The following PMM2 variants were observed in gnomAD, a reference collection of about 807,000 sequenced individuals.
The protein encoded by PMM2 is phosphomannomutase 2.
A neutral mutation model predicts 33.2 loss-of-function variants in PMM2; 35 were observed. The ratio of observed to expected loss-of-function variants is 1.06; its 90% CI spans 0.81 to 1.40. PMM2 has a LOEUF of 1.40. Ranked by LOEUF, PMM2 falls within the 40% of genes most tolerant of loss-of-function variation. PMM2 has a pLI of 0.00. For synonymous variants in PMM2, 153 were observed against 114.7 expected (o/e 1.33, Z -2.13); for missense variants, 386 against 306.0 (o/e 1.26, Z -1.95).
intron 7 of PMM2, among the ~76,000 whole-genome samples, chr16:8,842,614 T>C (rs141508713): frequency 0.026 from 3,919 of 152,204 alleles, 172 homozygotes; most frequent in African/African-American, 0.089. Context: ...AGGAAGGTAT[T>C]GAGGATGAAA....
Position 8,827,875 on chromosome 16 carries a change from G to A in PMM2, c.639+14769G>A, listed in dbSNP as rs1418201505. 2.6e-3 allele frequency among the ~76,000 whole-genome samples: 183 copies of A among 71,742 alleles called. 4 individuals carry two copies. The East Asian group carries it at 0.039, about 15-fold the overall frequency. 47.1% of individuals were successfully genotyped at this position (71,742 alleles called of 152,430 possible). The stretch of plus-strand genomic sequence containing the variant: ...TATATATGTTATATATTATATATAT[G>A]TTATATAATATATGATATATATGAT... On this transcript the variant is annotated intron_variant, in intron 7 of 7. Coordinates refer to ENST00000268261, the MANE Select transcript of PMM2 (RefSeq NM_000303.3).
intron 5 of PMM2, 135 bp downstream of exon 5, chr16:8,811,313 C>A: frequency 1.4e-6 from 1 of 719,894 alleles, no homozygotes; most frequent in South Asian, 1.5e-5. Context: ...CCCAGGAGTT[C>A]AAGACCAGCC....
intron 7 of PMM2, among the ~76,000 whole-genome samples, chr16:8,831,387 G>A (rs534187298): frequency 1.3e-3 from 194 of 151,628 alleles, no homozygotes; most frequent in Admixed American, 1.7e-3. Context: ...AGCAAGAATC[G>A]ACTATAAGGC....
chr16:8,816,020 C>T (rs2060706334), intron 7 of PMM2, among the ~76,000 whole-genome samples: 1 of 151,488 alleles, frequency 6.6e-6, no homozygotes, highest in African/African-American at 2.4e-5. Flanking sequence ...CCAAAGAAGA[C>T]ATGCAGATGG....
rs1204193268 is a variant in PMM2, at chr16:8,816,150, G to A, written c.639+3044G>A. Among the ~76,000 whole-genome samples, 3 of 151,842 alleles carry A rather than the reference G, an allele frequency of 2.0e-5. 1 individual carries two copies. Among genetic ancestry groups the A allele is most frequent in the African/African-American group, 2.4e-5 (1 of 41,328 alleles). ...ATTTTATTTTATTTTATTTTGAGACGGAGTTTTGCTCTGTCACCCAGGCTG... is the reference window on the plus strand; with the variant it reads ...ATTTTATTTTATTTTATTTTGAGACAGAGTTTTGCTCTGTCACCCAGGCTG... On this transcript the variant is annotated intron_variant, in intron 7 of 7. Coordinates refer to ENST00000268261, the MANE Select transcript of PMM2 (RefSeq NM_000303.3).
chr16:8,807,426 G>A (rs8046212), intron 4 of PMM2: 130,463 of 152,050 alleles, frequency 0.86, 56,955 homozygotes, highest in East Asian at 0.97. Flanking sequence ...CCTGACTCAT[G>A]GACATTTGTT....
intron 7 of PMM2, among the ~76,000 whole-genome samples, chr16:8,844,742 G>C (rs186814474): frequency 1.3e-5 from 2 of 152,188 alleles, no homozygotes; most frequent in Non-Finnish European, 2.9e-5. Flanking sequence ...CAGATAAAAC[G>C]TCTCCTTTGT....
rs1225965022 is a variant in PMM2 at position 8,847,706 on chromosome 16, T to C, written c.640-18T>C. On this transcript the variant is annotated intron_variant, in intron 7 of 7. Coordinates refer to ENST00000268261, the MANE Select transcript of PMM2 (RefSeq NM_000303.3). ...ACAGACGAGGGGGAGCCTTCATCTG[T>C]ACTTCGTGTCTTTCCAGGGTGGCAA... 6.3e-7 allele frequency: 1 copy of C among 1,588,294 alleles called. No individual in the cohort carries two copies.
At chr16:8,846,774 C>T (rs1384502375) in intron 7 of PMM2, among the ~76,000 whole-genome samples, 17 of 152,234 alleles carry the variant, frequency 1.1e-4, no homozygotes, top group Non-Finnish European at 7.3e-5. Flanking sequence ...AGCCACACTG[C>T]TGCTCAGTGG....
intron 7 of PMM2, among the ~76,000 whole-genome samples, chr16:8,844,325 A>C (rs1382656582): frequency 5.9e-5 from 9 of 151,664 alleles, no homozygotes; most frequent in African/African-American, 2.2e-4. Context: ...GCGTAGAGAC[A>C]TGGAGGGAAG....
At chr16:8,804,031 G>GTTTTTTTTTTTTTTT (rs752484926) in intron 2 of PMM2, among the ~76,000 whole-genome samples, 36 of 87,478 alleles carry the variant, frequency 4.1e-4, no homozygotes, top group African/African-American at 1.2e-3. Flanking sequence ...GGTTTTTTTT[G>GTTTTTTTTTTTTTTT]TTTTTTTTTT....
At chr16:8,800,212 T>C (rs1030465303) in intron 1 of PMM2, among the ~76,000 whole-genome samples, 79 of 152,100 alleles carry the variant, frequency 5.2e-4, no homozygotes, top group Middle Eastern at 3.4e-3. Flanking sequence ...TACAAAAAGA[T>C]TAGCCGAGCA....
At chr16:8,829,947 T>A (rs1338011765) in intron 7 of PMM2, among the ~76,000 whole-genome samples, 2 of 152,238 alleles carry the variant, frequency 1.3e-5, no homozygotes, top group Non-Finnish European at 2.9e-5. Flanking sequence ...AGATACCCCA[T>A]GCTGGGGCTA....
chr16:8,821,019 C>T (rs558094222), intron 7 of PMM2, among the ~76,000 whole-genome samples: 8 of 152,286 alleles, frequency 5.3e-5, no homozygotes, highest in African/African-American at 1.9e-4. Flanking sequence ...CTTAACCATG[C>T]CTAGCATCTG....
At chr16:8,800,166 C>T (rs2141015737) in intron 1 of PMM2, among the ~76,000 whole-genome samples, 1 of 152,144 alleles carries the variant, frequency 6.6e-6, no homozygotes, top group Non-Finnish European at 1.5e-5. Context: ...CGAGACCAGC[C>T]TTGCCAACAT....
chr16:8,804,418 G>A (rs1452767236), intron 2 of PMM2, among the ~76,000 whole-genome samples: 2 of 152,098 alleles, frequency 1.3e-5, no homozygotes, highest in African/African-American at 4.8e-5. Flanking sequence ...AGCAAAGCTT[G>A]GAAATCTGCA....
intron 1 of PMM2, among the ~76,000 whole-genome samples, chr16:8,800,224 G>C (rs1344961470): frequency 6.6e-6 from 1 of 152,004 alleles, no homozygotes; most frequent in African/African-American, 2.4e-5. Context: ...AGCCGAGCAT[G>C]ATGGCGGGCG....
chr16:8,818,473 A>G (rs2060719820), intron 7 of PMM2, among the ~76,000 whole-genome samples: 1 of 152,166 alleles, frequency 6.6e-6, no homozygotes, highest in Admixed American at 6.5e-5. Flanking sequence ...CTAGCCTTAC[A>G]CTTTGCATTT....
intron 7 of PMM2, among the ~76,000 whole-genome samples, chr16:8,819,377 G>A (rs1388487700): frequency 6.6e-6 from 1 of 152,176 alleles, no homozygotes; most frequent in Non-Finnish European, 1.5e-5. Flanking sequence ...TTCTCTTTTT[G>A]TTAGCTTATA....
Sources: gnomAD v4.1 joint callset for allele counts (sites outside exome capture counted in the v4.1 genomes callset) on GRCh38, gnomAD v4.1.1 for gene constraint, MANE v1.5 for transcripts, NCBI Gene and HGNC (gene_info 2026-07-23, HGNC 2026-07-21) for gene names.